WDR12: variants seen among roughly 807,000 people sequenced by gnomAD.
The protein encoded by WDR12 is WD repeat domain 12.
A neutral mutation model predicts 64.3 loss-of-function variants in WDR12; 42 were observed. The ratio of observed to expected loss-of-function variants is 0.65; its 90% CI spans 0.51 to 0.84. The LOEUF is 0.84. Ranked by LOEUF, WDR12 falls within the 40% of genes least tolerant of loss-of-function variation. WDR12 has a pLI of 0.00. For synonymous variants in WDR12, 158 were observed against 173.3 expected (o/e 0.91, Z 0.70); for missense variants, 469 against 494.6 (o/e 0.95, Z 0.49).
intron 8 of WDR12, among the ~76,000 whole-genome samples, chr2:202,891,013 A>G (rs1688147694): frequency 6.6e-6 from 1 of 150,830 alleles, no homozygotes. Context: ...AAAAAAAAAA[A>G]AAAAGAGAAT....
At chr2:202,899,761 G>A in intron 3 of WDR12, 124 bp from the exon 4 acceptor site, 2 of 771,992 alleles carry the variant, frequency 2.6e-6, no homozygotes, top group Middle Eastern at 2.7e-4. Flanking sequence ...TTATAACTCA[G>A]CAAATTTGGA....
intron 5 of WDR12, 73 bp downstream of exon 5, chr2:202,897,227 C>A: frequency 9.7e-7 from 1 of 1,028,816 alleles, no homozygotes; most frequent in Non-Finnish European, 1.5e-6. Context: ...CCCCATTCTT[C>A]CCCAGCACCA....
At chr2:202,897,908 A>ATATATATATAT (rs1553541972) in intron 4 of WDR12, among the ~76,000 whole-genome samples, 193 of 39,992 alleles carry the variant, frequency 4.8e-3, no homozygotes, top group Admixed American at 7.3e-3. Context: ...AAAAAAAAAA[A>ATATATATATAT]ATATATATAT....
rs1292113142 is a variant in WDR12 at position 202,882,331 on chromosome 2, TAATA to T, written c.1194+376_1194+379del. Among the ~76,000 whole-genome samples the T allele has an allele frequency of 1.3e-4, 20 of 151,804 alleles. No homozygotes were observed. The South Asian group carries it at 2.3e-3, about 17-fold the overall frequency. On this transcript the variant is annotated intron_variant, in intron 12 of 12. Coordinates refer to ENST00000261015, the MANE Select transcript of WDR12 (RefSeq NM_018256.4). ...TTATAAATATCAAATATATTGAAAC[TAATA>T]AATGTTTTTTTTTTCTTGAGATGGA...
In WDR12 at chr2:202,899,588, G is replaced by C; in HGVS notation, c.281C>G (p.Pro94Arg). Residue 94 changes from proline to arginine, a missense_variant, in exon 4 of 13, where the codon CCA becomes CGA. By Grantham distance (103) the Pro-to-Arg change is moderately radical. Transcript: ENST00000261015. Reference protein sequence around the residue: ...EYVEKYTAPQPEQCMFHDDWI... With the variant: ...EYVEKYTAPQREQCMFHDDWI... ...GTCATCATGGAACATGCATTGCTCT[G>C]GCTGGGGTGCAGTATACTTCTCCAC... 6.2e-7 allele frequency: 1 copy of C among 1,614,152 alleles called. No homozygotes were observed. The highest frequency in any genetic ancestry group is 8.5e-7 in the Non-Finnish European group (1 of 1,180,030).
At chr2:202,894,219 G>A (rs1257513248) in intron 7 of WDR12, among the ~76,000 whole-genome samples, 1 of 121,538 alleles carries the variant, frequency 8.2e-6, no homozygotes, top group Non-Finnish European at 1.9e-5. Flanking sequence ...TCACTAAACT[G>A]ATTTTTTTTT....
chr2:202,898,092 C>T (rs1392944918), intron 4 of WDR12, among the ~76,000 whole-genome samples: 2 of 151,126 alleles, frequency 1.3e-5, no homozygotes, highest in Non-Finnish European at 2.9e-5. Flanking sequence ...CAAAAAAAAT[C>T]CTACATCCAA....
In WDR12 at chr2:202,880,887, TG is replaced by T. The variant is rs761011400; in HGVS notation, c.1244del (p.Ser415TyrfsTer14). The T allele has an allele frequency of 6.2e-7, 1 of 1,610,482 alleles. No individual in the cohort carries two copies. Among genetic ancestry groups the T allele is most frequent in the South Asian group, 1.1e-5 (1 of 90,400 alleles). Reference protein sequence around the residue: ...ADNKLYSYRYSPTTSHVGA With the variant: ...ADNKLYSYRYXPTTSHVGA ...ATGCCCCAACATGGGAAGTGGTAGG[TG>T]AATATCTGTAGGAATACAATTTATT... is the stretch of plus-strand genomic sequence containing the variant. On this transcript the variant is annotated frameshift_variant, in exon 13 of 13. Coordinates refer to ENST00000261015, the MANE Select transcript of WDR12 (RefSeq NM_018256.4). LOFTEE classifies it high-confidence loss of function.
At chr2:202,890,788 T>G (rs1688142232) in intron 8 of WDR12, among the ~76,000 whole-genome samples, 1 of 143,912 alleles carries the variant, frequency 6.9e-6, no homozygotes, top group Non-Finnish European at 1.5e-5. Context: ...AAAAAAAAAT[T>G]TTTTTTTTCA....
At chr2:202,896,343 A>C in intron 5 of WDR12, 124 bp from the exon 6 acceptor site, 1 of 1,081,998 alleles carries the variant, frequency 9.2e-7, no homozygotes, top group Non-Finnish European at 1.3e-6. Context: ...AAGATAACTC[A>C]TATGGCCAGG....
At chr2:202,899,117 AC>A (rs1688304135) in intron 4 of WDR12, among the ~76,000 whole-genome samples, 1 of 133,062 alleles carries the variant, frequency 7.5e-6, no homozygotes, top group African/African-American at 2.9e-5. Flanking sequence ...ATCTCAGCTC[AC>A]TGCAAGCTCC....
In WDR12 at chr2:202,878,841, T is replaced by C. The variant is rs1687903915; in HGVS notation, c.*2019A>G. On this transcript the variant is annotated 3_prime_UTR_variant, in exon 13 of 13. Transcript: ENST00000261015. ...TACTTAAGGAGTATCAATCCATTAA[T>C]AATGGAAATAACATTTAAAAAATAC... 6.6e-6 allele frequency: 1 copy of C among 152,226 alleles called. No homozygotes were observed. The highest frequency in any genetic ancestry group is 1.5e-5 in the Non-Finnish European group (1 of 68,040). The allele number at this position is 152,226 out of a possible 1,614,324, so 9.4% of individuals were successfully genotyped here.
At chr2:202,903,605 C>T (rs1490222648) in intron 2 of WDR12, among the ~76,000 whole-genome samples, 1 of 151,970 alleles carries the variant, frequency 6.6e-6, no homozygotes, top group South Asian at 2.1e-4. Flanking sequence ...TTGGAAAAAT[C>T]AATGATATAA....
At chr2:202,890,087 G>C (rs1688123992) in intron 8 of WDR12, among the ~76,000 whole-genome samples, 2 of 152,084 alleles carry the variant, frequency 1.3e-5, no homozygotes, top group East Asian at 1.9e-4. Flanking sequence ...AATTAGTTGG[G>C]TATGGTGGCA....
chr2:202,892,809 A>G, intron 7 of WDR12, 107 bp from the exon 8 acceptor site: 1 of 660,616 alleles, frequency 1.5e-6, no homozygotes, highest in Non-Finnish European at 2.4e-6. Flanking sequence ...GTTATCACAC[A>G]GTTAGGGAAT....
At position 202,896,164 on chromosome 2, in the gene WDR12, C is replaced by G; in HGVS notation, c.510G>C (p.Trp170Cys). 1 of 1,613,990 alleles carries G rather than the reference C, an allele frequency of 6.2e-7. No individual in the cohort carries two copies. The highest frequency in any genetic ancestry group is 8.5e-7 in the Non-Finnish European group (1 of 1,179,980). ...SASMDQTILL[W>C]EWNVERNKVK... Reference sequence around the variant, plus strand: ...CTTTGTTTCTCTCTACATTCCACTCCCATAAGAGAATAGTCTGATCCATAG... The same window carrying G: ...CTTTGTTTCTCTCTACATTCCACTCGCATAAGAGAATAGTCTGATCCATAG... The change falls in exon 6 of 13, where the codon TGG becomes TGC. Residue 170 changes from tryptophan to cysteine, a missense_variant. By Grantham distance (215) the Trp-to-Cys change is radical. Coordinates refer to ENST00000261015, the MANE Select transcript of WDR12 (RefSeq NM_018256.4).
At chr2:202,891,274 G>A (rs182677937) in intron 8 of WDR12, among the ~76,000 whole-genome samples, 88 of 152,234 alleles carry the variant, frequency 5.8e-4, no homozygotes, top group African/African-American at 2.1e-3. Context: ...TGGGCTGGGC[G>A]TAGCTGGGAC....
chr2:202,910,990 C>T (rs927486213), intron 1 of WDR12, among the ~76,000 whole-genome samples: 2 of 152,114 alleles, frequency 1.3e-5, no homozygotes, highest in African/African-American at 4.8e-5. Flanking sequence ...ACAAAGAAAG[C>T]TAACAATGCA....
At chr2:202,901,765 G>A (rs1456475571) in intron 2 of WDR12, among the ~76,000 whole-genome samples, 1 of 152,124 alleles carries the variant, frequency 6.6e-6, no homozygotes, top group Non-Finnish European at 1.5e-5. Flanking sequence ...TCTCCAAGGT[G>A]TCCTTTAACA....
Sources: gnomAD v4.1 joint callset for allele counts (sites outside exome capture counted in the v4.1 genomes callset) on GRCh38, gnomAD v4.1.1 for gene constraint, MANE v1.5 for transcripts, NCBI Gene and HGNC (gene_info 2026-07-23, HGNC 2026-07-21) for gene names.